Variants in COL24A1 observed in about 807,000 individuals in gnomAD.
COL24A1 encodes the protein collagen alpha-1(XXIV) chain.
In COL24A1, 224 loss-of-function variants were observed where a neutral mutation model predicts 253.9. The observed-to-expected ratio is 0.88, with a 90% CI of 0.79 to 0.99. The LOEUF (loss-of-function observed/expected upper bound fraction) is 0.99, where lower values mean the gene tolerates loss of function less well. COL24A1 is among the 50% of genes least tolerant of loss of function. The pLI, the probability that COL24A1 is intolerant of heterozygous loss-of-function variation, is 0.00. For synonymous variants in COL24A1, 685 were observed against 673.7 expected (o/e 1.02, Z -0.26); for missense variants, 2,131 against 2,068.5 (o/e 1.03, Z -0.59).
intron 20 of COL24A1, among the ~76,000 whole-genome samples, chr1:85,977,214 C>A (rs1387788827): frequency 1.3e-5 from 2 of 152,156 alleles, no homozygotes; most frequent in African/African-American, 4.8e-5. Flanking sequence ...ACAAATTAAT[C>A]TGAACAGCAG....
At chr1:86,069,973 T>G (rs1054310232) in intron 7 of COL24A1, among the ~76,000 whole-genome samples, 7 of 152,052 alleles carry the variant, frequency 4.6e-5, no homozygotes, top group Admixed American at 4.6e-4. Flanking sequence ...TCTCACCAAA[T>G]GAACTAAATA....
chr1:85,962,229 G>C (rs1175217196), intron 23 of COL24A1, among the ~76,000 whole-genome samples: 5 of 152,144 alleles, frequency 3.3e-5, no homozygotes, highest in Admixed American at 1.3e-4. Flanking sequence ...GGAGCAGCTA[G>C]AGCTGGCATC....
chr1:85,862,314 G>A (rs1679246866), intron 37 of COL24A1, among the ~76,000 whole-genome samples: 1 of 152,048 alleles, frequency 6.6e-6, no homozygotes, highest in African/African-American at 2.4e-5. Flanking sequence ...ATTCACAAAT[G>A]AACACAAATA....
At chr1:86,126,251 AT>A in intron 2 of COL24A1, 37 bp from the exon 3 acceptor site, 1 of 1,518,584 alleles carries the variant, frequency 6.6e-7, no homozygotes, top group South Asian at 1.3e-5. Flanking sequence ...AAGAATCTTA[AT>A]TTTATGGATT....
intron 43 of COL24A1, among the ~76,000 whole-genome samples, chr1:85,837,675 T>C (rs1230416856): frequency 6.6e-6 from 1 of 152,186 alleles, no homozygotes; most frequent in African/African-American, 2.4e-5. Context: ...ATGTTTGTAC[T>C]GAATGACTTA....
intron 28 of COL24A1, among the ~76,000 whole-genome samples, chr1:85,900,628 C>T (rs1358202947): frequency 6.6e-6 from 1 of 151,956 alleles, no homozygotes. Context: ...GACAGAGTTA[C>T]ACCCCATCTT....
At chr1:86,033,483 T>C (rs777629221) in intron 13 of COL24A1, among the ~76,000 whole-genome samples, 1 of 152,166 alleles carries the variant, frequency 6.6e-6, no homozygotes, top group Non-Finnish European at 1.5e-5. Context: ...AATAATTTTC[T>C]ATAAAACACT....
At chr1:85,868,680 C>T in intron 36 of COL24A1, 54 bp from the exon 37 acceptor site, 1 of 1,505,838 alleles carries the variant, frequency 6.6e-7, no homozygotes, top group Non-Finnish European at 9.2e-7. Context: ...ATAATTATGC[C>T]AATAATAAAC....
chr1:85,775,427 GT>G (rs1668439070), intron 53 of COL24A1, among the ~76,000 whole-genome samples: 1 of 152,126 alleles, frequency 6.6e-6, no homozygotes, highest in Non-Finnish European at 1.5e-5. Flanking sequence ...GGATATCTTT[GT>G]TAATTTTCTG....
Position 85,987,625 on chromosome 1 carries a change from T to C in COL24A1, c.2340A>G (p.Gly780=). ...CCTTTGGTCCTTCAGGGCCGTTTTG[T>C]CCAGGAATCCCAATATCTCCTGGAA... ...EGFPGDIGIP[G]QNGPEGPKGL... Residue 780 remains glycine, a synonymous_variant, in exon 20 of 60, where the codon GGA becomes GGG. Transcript: ENST00000370571. The C allele has an allele frequency of 6.2e-7, 1 of 1,611,016 alleles. No homozygotes were observed. The highest frequency in any genetic ancestry group is 8.5e-7 in the Non-Finnish European group (1 of 1,178,114).
chr1:86,007,769 G>C (rs1490068912), intron 19 of COL24A1, among the ~76,000 whole-genome samples: 1 of 152,180 alleles, frequency 6.6e-6, no homozygotes, highest in African/African-American at 2.4e-5. Flanking sequence ...AAATTATGAA[G>C]ACAGTAAAAA....
intron 37 of COL24A1, among the ~76,000 whole-genome samples, chr1:85,858,355 A>G (rs1020528615): frequency 3.9e-5 from 6 of 152,126 alleles, no homozygotes; most frequent in African/African-American, 1.4e-4. Context: ...CATGTTTTCC[A>G]ATTATTTACT....
At chr1:85,957,039 A>C (rs928304576) in intron 24 of COL24A1, among the ~76,000 whole-genome samples, 4 of 152,212 alleles carry the variant, frequency 2.6e-5, no homozygotes, top group Non-Finnish European at 5.9e-5. Context: ...TGCAGCCATA[A>C]AAAAGAATGA....
intron 19 of COL24A1, among the ~76,000 whole-genome samples, chr1:86,014,257 T>C (rs922098480): frequency 6.6e-6 from 1 of 152,212 alleles, no homozygotes; most frequent in Non-Finnish European, 1.5e-5. Context: ...CTCCAGACCA[T>C]AAGTTACTAA....
intron 32 of COL24A1, among the ~76,000 whole-genome samples, chr1:85,881,582 G>A (rs959149923): frequency 6.6e-6 from 1 of 152,044 alleles, no homozygotes; most frequent in Non-Finnish European, 1.5e-5. Flanking sequence ...CTGAGATCAC[G>A]CCACTGCATT....
intron 7 of COL24A1, among the ~76,000 whole-genome samples, chr1:86,087,793 A>T (rs1394008944): frequency 6.6e-6 from 1 of 152,192 alleles, no homozygotes; most frequent in African/African-American, 2.4e-5. Context: ...ACTGTATATC[A>T]AGATCAATTC....
intron 24 of COL24A1, among the ~76,000 whole-genome samples, chr1:85,912,612 A>G (rs1319704675): frequency 6.6e-6 from 1 of 152,172 alleles, no homozygotes; most frequent in Non-Finnish European, 1.5e-5. Context: ...GATCCCATAT[A>G]TATAACATAT....
chr1:85,894,546 AT>A (rs11325973), intron 31 of COL24A1, among the ~76,000 whole-genome samples: 113,180 of 151,274 alleles, frequency 0.75, 42,342 homozygotes, highest in East Asian at 0.79. Flanking sequence ...TCTGGGTCTC[AT>A]TTTTTTTTTA....
intron 34 of COL24A1, 103 bp from the exon 35 acceptor site, chr1:85,874,805 G>C (rs1680946971): frequency 8.0e-7 from 1 of 1,253,534 alleles, no homozygotes; most frequent in South Asian, 1.4e-5. Context: ...CTGGGCCGTA[G>C]AGGGTACCTG....
Sources: allele counts gnomAD v4.1 joint callset (sites outside exome capture counted in the v4.1 genomes callset), GRCh38; gene constraint gnomAD v4.1.1; transcripts MANE v1.5; gene names NCBI Gene and HGNC (gene_info 2026-07-23, HGNC 2026-07-21).